Variants in MYO16 observed in about 807,000 individuals in gnomAD.
MYO16 encodes the protein myosin XVI.
A neutral mutation model predicts 205.3 loss-of-function variants in MYO16; 94 were observed. The ratio of observed to expected loss-of-function variants is 0.46; its 90% CI spans 0.39 to 0.54. The LOEUF (loss-of-function observed/expected upper bound fraction) is 0.54. Ranked by LOEUF, MYO16 falls within the 20% of genes least tolerant of loss-of-function variation. The pLI is 0.00. For synonymous variants in MYO16, 988 were observed against 954.0 expected, an observed-to-expected ratio of 1.04 and a Z score of -0.66; for missense variants, 2,315 against 2,387.5, an observed-to-expected ratio of 0.97 and a Z score of 0.63.
At chr13:109,206,565 A>G (rs1188522536) in intron 34 of MYO16, 44 bp from the exon 35 acceptor site, 5 of 1,436,396 alleles carry the variant, frequency 3.5e-6, no homozygotes, top group Admixed American at 3.4e-5. Flanking sequence ...CTCATTCACA[A>G]TATTTGGTGC....
chr13:109,123,989 C>T (rs527410092), intron 29 of MYO16, among the ~76,000 whole-genome samples: 1 of 152,244 alleles, frequency 6.6e-6, no homozygotes, highest in South Asian at 2.1e-4. Flanking sequence ...ATCCTAGAAA[C>T]TTTTAAAATT....
intron 28 of MYO16, among the ~76,000 whole-genome samples, chr13:109,110,533 C>T (rs566657898): frequency 6.6e-6 from 1 of 152,252 alleles, no homozygotes; most frequent in East Asian, 1.9e-4. Flanking sequence ...ATGTGTGTGG[C>T]TGTAATTATC....
intron 16 of MYO16, among the ~76,000 whole-genome samples, chr13:108,914,002 G>C (rs187992877): frequency 1.5e-3 from 234 of 152,078 alleles, no homozygotes; most frequent in African/African-American, 5.3e-3. Context: ...GGCATCCCTG[G>C]AGTCTCTCTG....
chr13:108,522,997 T>C, the MYO16 span, among the ~76,000 whole-genome samples: 47 of 152,102 alleles, frequency 3.1e-4, no homozygotes, highest in Non-Finnish European at 5.6e-4. Context: ...AAAAATGCCA[T>C]AGAAAAGCCT....
chr13:108,549,771 A>T, the MYO16 span, among the ~76,000 whole-genome samples: 1 of 152,304 alleles, frequency 6.6e-6, no homozygotes, highest in Non-Finnish European at 1.5e-5. Context: ...AGAAAAAGAA[A>T]AATAAATACC....
chr13:108,734,815 G>T (rs1884636774), intron 4 of MYO16, among the ~76,000 whole-genome samples: 1 of 152,224 alleles, frequency 6.6e-6, no homozygotes, highest in African/African-American at 2.4e-5. Context: ...GGTGTGGGCA[G>T]GGCCTCTTGC....
chr13:108,730,306 T>C (rs1884480554), intron 4 of MYO16, among the ~76,000 whole-genome samples: 1 of 152,178 alleles, frequency 6.6e-6, no homozygotes, highest in Admixed American at 6.5e-5. Context: ...TCTTCCACCA[T>C]GATTGTAAGT....
intron 15 of MYO16, among the ~76,000 whole-genome samples, chr13:108,907,627 T>G (rs1376172606): frequency 6.6e-6 from 1 of 152,232 alleles, no homozygotes; most frequent in African/African-American, 2.4e-5. Context: ...TGCTTCCATC[T>G]AAAAGCTCAC....
chr13:108,860,108 C>G (rs1156932541), intron 11 of MYO16, among the ~76,000 whole-genome samples: 1 of 151,424 alleles, frequency 6.6e-6, no homozygotes, highest in East Asian at 2.0e-4. Flanking sequence ...TATTTTATAA[C>G]CCAGGTATTA....
intron 20 of MYO16, among the ~76,000 whole-genome samples, chr13:108,972,243 C>CTATATATATATA (rs1161845637): frequency 8.7e-5 from 1 of 11,490 alleles, no homozygotes; most frequent in Non-Finnish European, 1.8e-4. Context: ...CTCTCTCTCT[C>CTATATATATATA]TCTCTCTATA....
chr13:109,004,983 T>A (rs1450030202), intron 21 of MYO16, among the ~76,000 whole-genome samples: 1 of 152,220 alleles, frequency 6.6e-6, no homozygotes, highest in African/African-American at 2.4e-5. Flanking sequence ...TAAGAAACAC[T>A]TAAAGGTTTA....
intron 4 of MYO16, among the ~76,000 whole-genome samples, chr13:108,777,319 TTTAATA>T (rs1886154599): frequency 6.6e-6 from 1 of 152,146 alleles, no homozygotes; most frequent in South Asian, 2.1e-4. Context: ...ATAGGATGCA[TTTAATA>T]TTAATATTAT....
chr13:109,036,857 C>G lies in MYO16; in HGVS notation c.2797-10059C>G, dbSNP rs138941587. Among the ~76,000 whole-genome samples the G allele has an allele frequency of 5.6e-3, 855 of 152,290 alleles. 9 individuals are homozygous for G. Among genetic ancestry groups the G allele is most frequent in the African/African-American group, 0.019 (774 of 41,560 alleles). ...GGGAAAAGGAAGGCATAAACCCAGC[C>G]TCTATCTTTGGCTACTTTCATGCTT... On this transcript the variant is annotated intron_variant, in intron 23 of 34. Coordinates refer to ENST00000457511, the MANE Select transcript of MYO16 (RefSeq NM_001198950.3).
chr13:109,135,936 T>C (rs1876754077), intron 31 of MYO16, among the ~76,000 whole-genome samples: 1 of 152,174 alleles, frequency 6.6e-6, no homozygotes, highest in Admixed American at 6.5e-5. Flanking sequence ...TCCTTGATTT[T>C]TTCTGTGTAC....
chr13:108,718,994 A>AT (rs1219184722), intron 3 of MYO16, among the ~76,000 whole-genome samples: 4 of 152,072 alleles, frequency 2.6e-5, no homozygotes, highest in Non-Finnish European at 4.4e-5. Context: ...TGAGTTTTCC[A>AT]TTTTTTAGGA....
At chr13:108,505,395 T>A in the MYO16 span, among the ~76,000 whole-genome samples, 1 of 152,204 alleles carries the variant, frequency 6.6e-6, no homozygotes, top group African/African-American at 2.4e-5. Context: ...TATGTCATTG[T>A]GGTTTTAATT....
intron 23 of MYO16, among the ~76,000 whole-genome samples, chr13:109,032,932 G>T (rs1193289620): frequency 6.6e-6 from 1 of 152,088 alleles, no homozygotes; most frequent in Non-Finnish European, 1.5e-5. Flanking sequence ...CTTCAGAAAA[G>T]TCTCTAATTT....
intron 32 of MYO16, among the ~76,000 whole-genome samples, chr13:109,146,152 G>A (rs562618885): frequency 9.2e-5 from 14 of 152,284 alleles, no homozygotes; most frequent in Admixed American, 2.0e-4. Flanking sequence ...GATAGAACTA[G>A]CTCTTGTGGC....
intron 5 of MYO16, among the ~76,000 whole-genome samples, chr13:108,789,589 G>T (rs1224606041): frequency 6.6e-6 from 1 of 152,176 alleles, no homozygotes; most frequent in Admixed American, 6.5e-5. Context: ...TGCTGTTAGG[G>T]TTGGGAGAAA....
Sources: gnomAD v4.1 joint callset for allele counts (sites outside exome capture counted in the v4.1 genomes callset) on GRCh38, gnomAD v4.1.1 for gene constraint, MANE v1.5 for transcripts, NCBI Gene and HGNC (gene_info 2026-07-23, HGNC 2026-07-21) for gene names.